TECTB: variants seen among roughly 807,000 people sequenced by gnomAD.
TECTB encodes tectorin beta, also known as beta-tectorin.
A neutral mutation model predicts 43.3 loss-of-function variants in TECTB; 45 were observed. The observed-to-expected ratio is 1.04, with a 90% confidence interval of 0.82 to 1.33. The LOEUF is 1.33. Among genes scored for constraint, TECTB ranks in the 40% most tolerant of loss-of-function variants. The pLI, the probability that TECTB is intolerant of heterozygous loss-of-function variation, is 0.00. For missense variants in TECTB, 399 were observed against 404.7 expected (o/e 0.99, Z 0.12); for synonymous variants, 169 against 156.7 (o/e 1.08, Z -0.59).
At position 112,286,958 on chromosome 10, in the gene TECTB, C is replaced by T. The variant is rs139655523; in HGVS notation, c.483+567C>T. On this transcript the variant is annotated intron_variant, in intron 5 of 10. Coordinates refer to ENST00000646139, the MANE Select transcript of TECTB (RefSeq NM_058222.3). ...AATAAAAACAAAAAAACCAATCTTC[C>T]GCAAAGATATAAGACCAACCTTCCC... 5.9e-4 allele frequency among the ~76,000 whole-genome samples: 90 copies of T among 152,172 alleles called. 1 individual carries two copies. The highest frequency in any genetic ancestry group is 2.6e-3 in the Admixed American group (40 of 15,252).
intron 3 of TECTB, 23 bp from the exon 4 acceptor site, chr10:112,286,048 G>A (rs772163784): frequency 1.5e-5 from 25 of 1,613,568 alleles, no homozygotes; most frequent in Non-Finnish European, 2.0e-5. Flanking sequence ...GATTCATCCT[G>A]ACTGTCTCCT....
intron 9 of TECTB, among the ~76,000 whole-genome samples, chr10:112,300,117 G>A (rs1470779717): frequency 6.8e-6 from 1 of 148,130 alleles, no homozygotes; most frequent in African/African-American, 2.5e-5. Flanking sequence ...AGCTGAGATC[G>A]CGCCATTGTA....
At chr10:112,301,318 A>T (rs1848610023) in intron 9 of TECTB, among the ~76,000 whole-genome samples, 1 of 151,956 alleles carries the variant, frequency 6.6e-6, no homozygotes, top group Non-Finnish European at 1.5e-5. Context: ...GAGGCCAGAG[A>T]ATCACTTGAA....
At chr10:112,294,190 G>A (rs1419117965) in intron 7 of TECTB, 129 bp downstream of exon 7, 18 of 756,076 alleles carry the variant, frequency 2.4e-5, no homozygotes, top group Non-Finnish European at 3.6e-5. Flanking sequence ...GACACCATCT[G>A]TGGTTCCAGG....
intron 5 of TECTB, among the ~76,000 whole-genome samples, chr10:112,288,446 G>C (rs567881784): frequency 6.6e-6 from 1 of 152,184 alleles, no homozygotes; most frequent in South Asian, 2.1e-4. Flanking sequence ...TAGAATTAAG[G>C]GTCAAGCGTC....
Position 112,303,513 on chromosome 10 carries a change from C to A in TECTB, c.*201C>A. The A allele has an allele frequency of 1.6e-6, 1 of 636,062 alleles. No homozygotes were observed. Among genetic ancestry groups the A allele is most frequent in the Non-Finnish European group, 2.7e-6 (1 of 366,694 alleles). 39.4% of individuals were successfully genotyped at this position (636,062 alleles called of 1,614,324 possible). A position where few individuals can be genotyped will look rare whatever the true frequency, so the allele number is the denominator to read the frequency against. On this transcript the variant is annotated 3_prime_UTR_variant, in exon 11 of 11. Transcript: ENST00000646139. ...TTTCTAAGAAAAACTTAGGCTACTT[C>A]CCGTGGCCCTTAGATCTCACAGTCC... is the stretch of plus-strand genomic sequence containing the variant.
intron 5 of TECTB, among the ~76,000 whole-genome samples, chr10:112,292,310 G>T (rs186665260): frequency 6.6e-6 from 1 of 152,270 alleles, no homozygotes; most frequent in East Asian, 1.9e-4. Flanking sequence ...GATGAGAATG[G>T]CAGGGAAATA....
intron 5 of TECTB, among the ~76,000 whole-genome samples, chr10:112,287,628 C>T (rs1406161344): frequency 2.0e-5 from 3 of 152,120 alleles, no homozygotes; most frequent in Non-Finnish European, 2.9e-5. Flanking sequence ...ACTCAGAAGG[C>T]GAGAGCTGTA....
In TECTB at chr10:112,286,359, T is replaced by A; in HGVS notation, c.451T>A (p.Phe151Ile). The change falls in exon 5 of 11, where the codon TTT becomes ATT. Residue 151 changes from phenylalanine (F) to isoleucine (I), a missense_variant. Phe to Ile is a conservative substitution (Grantham distance 21). Coordinates refer to ENST00000646139, the MANE Select transcript of TECTB (RefSeq NM_058222.3). The stretch of plus-strand genomic sequence containing the variant: ...CGTGAAGAACGGGAGCATGGGCACA[T>A]TTGAGAGCCAACTGTCTCTCAACTT... Reference protein sequence around the residue: ...VHVKNGSMGTFESQLSLNFYT... With the variant: ...VHVKNGSMGTIESQLSLNFYT... 2 of 1,610,288 alleles carry A rather than the reference T, an allele frequency of 1.2e-6. No homozygotes were observed. Among genetic ancestry groups the A allele is most frequent in the Non-Finnish European group, 1.7e-6 (2 of 1,176,716 alleles).
At chr10:112,291,188 G>T (rs1848496167) in intron 5 of TECTB, among the ~76,000 whole-genome samples, 1 of 147,806 alleles carries the variant, frequency 6.8e-6, no homozygotes, top group African/African-American at 2.5e-5. Flanking sequence ...AGTGTGTGTT[G>T]TTCCCCTCCC....
chr10:112,290,961 T>C (rs1435911889), intron 5 of TECTB, among the ~76,000 whole-genome samples: 2 of 152,184 alleles, frequency 1.3e-5, no homozygotes, highest in African/African-American at 4.8e-5. Flanking sequence ...GTGTTTGACA[T>C]GTGAGGGGTA....
intron 10 of TECTB, 67 bp from the exon 11 acceptor site, chr10:112,303,196 T>G (rs967338521): frequency 1.3e-6 from 2 of 1,585,860 alleles, no homozygotes; most frequent in Non-Finnish European, 8.7e-7. Context: ...TTAACTCTTC[T>G]GTTGAGTTGG....
At chr10:112,298,307 A>C in intron 8 of TECTB, 76 bp downstream of exon 8, 21 of 1,538,614 alleles carry the variant, frequency 1.4e-5, no homozygotes, top group Non-Finnish European at 1.8e-5. Flanking sequence ...TTGAGTGGGG[A>C]GATCATAACC....
intron 2 of TECTB, 64 bp downstream of exon 2, chr10:112,283,874 C>T: frequency 2.0e-6 from 3 of 1,519,314 alleles, no homozygotes; most frequent in Non-Finnish European, 2.7e-6. Context: ...TTTTACAATG[C>T]TCAGCACTTC....
At chr10:112,302,538 C>G in intron 10 of TECTB, 1 of 400,484 alleles carries the variant, frequency 2.5e-6, no homozygotes, top group South Asian at 1.3e-4. Flanking sequence ...CACCCCTCCT[C>G]CATACCCTAG....
rs1238362229 is a variant in TECTB at position 112,284,579 on chromosome 10, ATCCCCGAG to A, written c.123_130del (p.Ile41MetfsTer36). On this transcript the variant is annotated frameshift_variant, in exon 3 of 11. Transcript: ENST00000646139. LOFTEE classifies it high-confidence loss of function. ...CTATCCCAAAACCATCATCACCAAA[ATCCCCGAG>A]TGTCCCTATGGATGGGAAGTTCATC... 6.2e-7 allele frequency: 1 copy of A among 1,612,476 alleles called. No homozygotes were observed. The highest frequency in any genetic ancestry group is 2.2e-5 in the East Asian group (1 of 44,830).
At chr10:112,293,597 T>G (rs1205345666) in intron 5 of TECTB, 141 bp from the exon 6 acceptor site, 2 of 683,690 alleles carry the variant, frequency 2.9e-6, no homozygotes, top group Non-Finnish European at 2.5e-6. Context: ...TCTCTGGTCT[T>G]GGAGGATCAC....
Position 112,284,539 on chromosome 10 carries a change from C to G in TECTB, c.81C>G (p.Val27=), listed in dbSNP as rs750143942. ...CTATATGTGTGCTCTTTCCAGATGT[C>G]ATTCTTGTGTTTTGCTATCCCAAAA... ...AKSCAPNKAD[V]ILVFCYPKTI... The change falls in exon 3 of 11, where the codon GTC becomes GTG. Residue 27 remains valine, a synonymous_variant. Coordinates refer to ENST00000646139, the MANE Select transcript of TECTB (RefSeq NM_058222.3). 6.2e-7 allele frequency: 1 copy of G among 1,605,414 alleles called. No individual in the cohort carries two copies. The highest frequency in any genetic ancestry group is 8.5e-7 in the Non-Finnish European group (1 of 1,175,142).
At chr10:112,300,861 A>G (rs1848605642) in intron 9 of TECTB, among the ~76,000 whole-genome samples, 1 of 152,250 alleles carries the variant, frequency 6.6e-6, no homozygotes, top group African/African-American at 2.4e-5. Flanking sequence ...AAAGGGATTC[A>G]ACCTAGTACA....
Sources: gnomAD v4.1 joint callset for allele counts (sites outside exome capture counted in the v4.1 genomes callset) on GRCh38, gnomAD v4.1.1 for gene constraint, MANE v1.5 for transcripts, NCBI Gene and HGNC (gene_info 2026-07-23, HGNC 2026-07-21) for gene names.